The following FMN2 variants were observed in gnomAD, a reference collection of about 807,000 sequenced individuals.
FMN2 encodes the protein formin 2, also known as formin-2.
A neutral mutation model predicts 142.3 loss-of-function variants in FMN2; 51 were observed. The ratio of observed to expected loss-of-function variants is 0.36; its 90% CI spans 0.29 to 0.45. The LOEUF (loss-of-function observed/expected upper bound fraction) is 0.45, where lower values mean the gene tolerates loss of function less well. Among genes scored for constraint, FMN2 ranks in the 20% least tolerant of loss-of-function variants. The pLI, the probability that FMN2 is intolerant of heterozygous loss-of-function variation, is 1.00. For synonymous variants in FMN2, 882 were observed against 869.8 expected (o/e 1.01, Z -0.25); for missense variants, 1,936 against 2,122.8 (o/e 0.91, Z 1.73).
Position 240,466,354 on chromosome 1 carries a change from A to G in FMN2, c.5061-6018A>G, listed in dbSNP as rs565172531. On this transcript the variant is annotated intron_variant, in intron 16 of 17. Coordinates refer to ENST00000319653, the MANE Select transcript of FMN2 (RefSeq NM_020066.5). ...GTTTGCTTGTAAGGAGTAAAAATTT[A>G]TATAGATGTTTCAAAATTTATTTAG... Among the ~76,000 whole-genome samples, 4 of 152,318 alleles carry G rather than the reference A, an allele frequency of 2.6e-5. No homozygotes were observed. In the East Asian group the frequency reaches 7.7e-4, roughly 29 times the overall value.
intron 1 of FMN2, among the ~76,000 whole-genome samples, chr1:240,107,460 T>G (rs965104249): frequency 1.3e-5 from 2 of 152,240 alleles, no homozygotes; most frequent in African/African-American, 4.8e-5. Flanking sequence ...GAGTCACTTT[T>G]ATGGATTTAA....
intron 8 of FMN2, among the ~76,000 whole-genome samples, chr1:240,325,087 G>A (rs1446369282): frequency 2.0e-5 from 3 of 152,040 alleles, no homozygotes; most frequent in Non-Finnish European, 2.9e-5. Flanking sequence ...CGGTTGAAGG[G>A]GGAAAATGAA....
intron 7 of FMN2, among the ~76,000 whole-genome samples, chr1:240,261,753 G>A (rs10926187): frequency 0.41 from 61,570 of 151,896 alleles, 12,894 homozygotes; most frequent in East Asian, 0.55. Context: ...AAATATAAGG[G>A]GGCATCCCCA....
At chr1:240,133,263 C>G (rs1662811944) in intron 2 of FMN2, among the ~76,000 whole-genome samples, 1 of 152,114 alleles carries the variant, frequency 6.6e-6, no homozygotes, top group Non-Finnish European at 1.5e-5. Context: ...ACCTCCTGGG[C>G]TCAACCGTTC....
chr1:240,170,752 T>A, intron 2 of FMN2: 2 of 1,155,262 alleles, frequency 1.7e-6, no homozygotes, highest in Non-Finnish European at 2.5e-6. Flanking sequence ...TGGCTCTGTT[T>A]GGGCCGTCTT....
rs1164258106 is a variant in FMN2, at chr1:240,163,803, C to G, written c.1783-14118C>G. 2.6e-5 allele frequency among the ~76,000 whole-genome samples: 4 copies of G among 151,936 alleles called. No homozygotes were observed. The East Asian group carries it at 7.7e-4, about 29-fold the overall frequency. On this transcript the variant is annotated intron_variant, in intron 2 of 17. Transcript: ENST00000319653. Reference sequence around the variant, plus strand: ...GTGTCTTTTGGATTTATCAATTACTCTTTACTATTTAATTGTTCTCTCTGG... The same window carrying G: ...GTGTCTTTTGGATTTATCAATTACTGTTTACTATTTAATTGTTCTCTCTGG...
At chr1:240,294,677 G>A (rs1440517125) in intron 7 of FMN2, 145 bp from the exon 8 acceptor site, 5 of 674,316 alleles carry the variant, frequency 7.4e-6, no homozygotes. Flanking sequence ...CCTGGTGCAG[G>A]CTTTGCAGTG....
rs1229583934 is a variant in FMN2 at position 240,338,178 on chromosome 1, A to ACT, written c.4765+3958_4765+3959dup. On this transcript the variant is annotated intron_variant, in intron 13 of 17. Coordinates refer to ENST00000319653, the MANE Select transcript of FMN2 (RefSeq NM_020066.5). Reference sequence around the variant, plus strand: ...CTGTTCTTCCTCCCTGTACTCACACACTCTCTCTCTTTTCAATATCTGAGT... The same window carrying ACT: ...CTGTTCTTCCTCCCTGTACTCACACACTCTCTCTCTCTTTTCAATATCTGAGT... Among the ~76,000 whole-genome samples the ACT allele has an allele frequency of 2.6e-5, 4 of 151,966 alleles. No homozygotes were observed. The East Asian group carries it at 5.8e-4, about 22-fold the overall frequency.
At chr1:240,123,506 A>AC (rs558581852) in intron 2 of FMN2, among the ~76,000 whole-genome samples, 161 bp downstream of exon 2, 12,232 of 49,576 alleles carry the variant, frequency 0.25, 515 homozygotes, top group African/African-American at 0.36. Context: ...GTTTGTACAC[A>AC]AAAAAAAAAA....
At chr1:240,241,228 T>C (rs76493143) in intron 6 of FMN2, among the ~76,000 whole-genome samples, 1 of 142,984 alleles carries the variant, frequency 7.0e-6, no homozygotes, top group Non-Finnish European at 1.5e-5. Context: ...CAACTCTGGA[T>C]TTTTTTTTTA....
intron 4 of FMN2, among the ~76,000 whole-genome samples, chr1:240,190,255 C>T (rs1665649550): frequency 6.6e-6 from 1 of 152,112 alleles, no homozygotes. Flanking sequence ...TCCTTGTTGA[C>T]AGTGAAGTGT....
chr1:240,472,943 CAAAA>C (rs372290294), intron 17 of FMN2, among the ~76,000 whole-genome samples: 1 of 90,654 alleles, frequency 1.1e-5, no homozygotes. Flanking sequence ...GACTTTGTCT[CAAAA>C]AAAAAAAAAA....
chr1:240,413,970 C>T (rs1423004069), intron 15 of FMN2, among the ~76,000 whole-genome samples: 1 of 152,194 alleles, frequency 6.6e-6, no homozygotes, highest in Non-Finnish European at 1.5e-5. Flanking sequence ...GAATATCTTA[C>T]AAATATCGTT....
intron 6 of FMN2, among the ~76,000 whole-genome samples, chr1:240,242,042 T>G (rs1667927432): frequency 6.6e-6 from 1 of 151,936 alleles, no homozygotes; most frequent in Non-Finnish European, 1.5e-5. Flanking sequence ...AGACGGGGTT[T>G]CACCGTGTTA....
intron 4 of FMN2, among the ~76,000 whole-genome samples, chr1:240,201,235 G>A (rs149225956): frequency 2.4e-4 from 36 of 152,270 alleles, no homozygotes; most frequent in African/African-American, 8.2e-4. Context: ...CAGACCATCT[G>A]TTATTATCCA....
chr1:240,155,082 G>T (rs1663965630), intron 2 of FMN2, among the ~76,000 whole-genome samples: 1 of 151,752 alleles, frequency 6.6e-6, no homozygotes, highest in Non-Finnish European at 1.5e-5. Context: ...GTAAAGACAG[G>T]GTTTCATCAT....
intron 8 of FMN2, among the ~76,000 whole-genome samples, chr1:240,317,258 G>A (rs1670817213): frequency 6.6e-6 from 1 of 151,580 alleles, no homozygotes; most frequent in Non-Finnish European, 1.5e-5. Context: ...AGAGGTTGCA[G>A]TGAGCCGATA....
chr1:240,469,610 C>A (rs945019655), intron 16 of FMN2, among the ~76,000 whole-genome samples: 5 of 152,138 alleles, frequency 3.3e-5, no homozygotes, highest in African/African-American at 1.2e-4. Flanking sequence ...CATGTTCAAT[C>A]CATTTTCCTT....
chr1:240,410,895 C>T lies in FMN2; in HGVS notation c.4910+18333C>T, dbSNP rs548099101. Among the ~76,000 whole-genome samples the T allele has an allele frequency of 3.9e-5, 6 of 152,262 alleles. No individual in the cohort carries two copies. The South Asian group carries it at 1.2e-3, about 32-fold the overall frequency. ...AAAAAGCAGCAGCCTCCTGCCCTAG[C>T]CAACCCTACCCTCTCTTATATTTTT... On this transcript the variant is annotated intron_variant, in intron 15 of 17. Transcript: ENST00000319653.
Sources: allele counts gnomAD v4.1 joint callset (sites outside exome capture counted in the v4.1 genomes callset), GRCh38; gene constraint gnomAD v4.1.1; transcripts MANE v1.5; gene names NCBI Gene and HGNC (gene_info 2026-07-23, HGNC 2026-07-21).